SPDYE17: variants seen among roughly 807,000 people sequenced by gnomAD.
The protein encoded by SPDYE17 is speedy protein E17.
For missense variants in SPDYE17, 7 were observed against 38.0 expected (o/e 0.18, Z 2.15); for synonymous variants, 4 against 14.8 (o/e 0.27, Z 1.68).
intron 1 of SPDYE17, among the ~76,000 whole-genome samples, 98 bp downstream of exon 1, chr7:77,032,142 G>T (rs1300192595): frequency 1.1e-5 from 1 of 92,124 alleles, no homozygotes; most frequent in African/African-American, 4.5e-5. Flanking sequence ...CTTGGGAGGC[G>T]GAGGTTGCAG....
Position 77,028,036 on chromosome 7 carries a change from G to A in SPDYE17, c.408+106C>T, listed in dbSNP as rs1390702179. The stretch of plus-strand genomic sequence containing the variant: ...ACAAAAACAAAAAAAAACTGTAGGA[G>A]CATCTGGTGGGAGGTGGTGGACGGA... On this transcript the variant is annotated intron_variant, in intron 4 of 7. Coordinates refer to ENST00000671986, the MANE Select transcript of SPDYE17 (RefSeq NM_001351351.3). 10 of 813,878 alleles carry A rather than the reference G, an allele frequency of 1.2e-5. 2 individuals are homozygous for A. The highest frequency in any genetic ancestry group is 1.8e-5 in the African/African-American group (1 of 54,594). 50.4% of individuals were successfully genotyped at this position (813,878 alleles called of 1,614,324 possible).
rs1338037835 is a variant in SPDYE17, at chr7:77,031,818, C to T, written c.-454+422G>A. Among the ~76,000 whole-genome samples the T allele has an allele frequency of 9.2e-5, 4 of 43,628 alleles. 1 individual carries two copies. Among genetic ancestry groups the T allele is most frequent in the Non-Finnish European group, 1.4e-4 (4 of 28,072 alleles). 28.6% of individuals were successfully genotyped at this position (43,628 alleles called of 152,430 possible). A position where few individuals can be genotyped will look rare whatever the true frequency, so the allele number is the denominator to read the frequency against. On this transcript the variant is annotated intron_variant, in intron 1 of 7. Coordinates refer to ENST00000671986, the MANE Select transcript of SPDYE17 (RefSeq NM_001351351.3). ...GCAGTGAGCTGTGATCGTGACACCG[C>T]ACTCCAGTCTGGGCAACACAGCAAG...
chr7:77,027,894 C>G (rs544249273), intron 4 of SPDYE17, among the ~76,000 whole-genome samples: 1 of 131,214 alleles, frequency 7.6e-6, no homozygotes, highest in African/African-American at 2.7e-5. Flanking sequence ...TGCTTGGAGG[C>G]TGAGGTGGGA....
At position 77,029,913 on chromosome 7, in the gene SPDYE17, G is replaced by A. The variant is rs1279566952; in HGVS notation, c.131-462C>T. Among the ~76,000 whole-genome samples the A allele has an allele frequency of 7.2e-5, 9 of 124,282 alleles. 4 individuals carry two copies. The East Asian group carries it at 2.6e-3, about 35-fold the overall frequency. 81.5% of individuals were successfully genotyped at this position (124,282 alleles called of 152,430 possible). ...ATAGAGACAGGGTTTCACCATGTTG[G>A]CCAGGCTGGTCTCAAACTCCTGGCC... On this transcript the variant is annotated intron_variant, in intron 2 of 7. Transcript: ENST00000671986.
rs372802161 is a variant in SPDYE17 at position 77,028,328 on chromosome 7, G to A, written c.350-128C>T. 39 of 618,082 alleles carry A rather than the reference G, an allele frequency of 6.3e-5. 2 individuals are homozygous for A. The highest frequency in any genetic ancestry group is 3.5e-4 in the Admixed American group (9 of 25,458). 38.3% of individuals were successfully genotyped at this position (618,082 alleles called of 1,614,324 possible). On this transcript the variant is annotated intron_variant, in intron 3 of 7. Coordinates refer to ENST00000671986, the MANE Select transcript of SPDYE17 (RefSeq NM_001351351.3). ...ATTGTGGCTGCGGGTGAGGTGGATG[G>A]GAGAGGGGAGAATGACTTTCACTGG... is the stretch of plus-strand genomic sequence containing the variant.
At position 77,029,791 on chromosome 7, in the gene SPDYE17, C is replaced by G. The variant is rs868389236; in HGVS notation, c.131-340G>C. ...GTGCAATCTCAGCTCACTGCAACATCCATCTCCCGGATTCCATTTATTCTC... is the reference window on the plus strand; with the variant it reads ...GTGCAATCTCAGCTCACTGCAACATGCATCTCCCGGATTCCATTTATTCTC... On this transcript the variant is annotated intron_variant, in intron 2 of 7. Coordinates refer to ENST00000671986, the MANE Select transcript of SPDYE17 (RefSeq NM_001351351.3). Among the ~76,000 whole-genome samples the G allele has an allele frequency of 9.9e-4, 118 of 119,052 alleles. 1 individual carries two copies. Among genetic ancestry groups the G allele is most frequent in the Admixed American group, 1.6e-3 (14 of 9,028 alleles). The allele number at this position is 119,052 out of a possible 152,430, so 78.1% of individuals were successfully genotyped here. A position where few individuals can be genotyped will look rare whatever the true frequency, so the allele number is the denominator to read the frequency against.
intron 2 of SPDYE17, 23 bp from the exon 3 acceptor site, chr7:77,029,474 C>G (rs1014732322): frequency 2.4e-5 from 2 of 84,158 alleles, no homozygotes; most frequent in Non-Finnish European, 3.6e-5. Context: ...ACCAGGCCAC[C>G]GTGTAATGCT....
rs1280957291 is a variant in SPDYE17, at chr7:77,022,720, C to A, written c.*1113G>T. Among the ~76,000 whole-genome samples, 12 of 124,526 alleles carry A rather than the reference C, an allele frequency of 9.6e-5. 1 individual carries two copies. Among genetic ancestry groups the A allele is most frequent in the African/African-American group, 3.2e-4 (12 of 37,770 alleles). The allele number at this position is 124,526 out of a possible 152,430, so 81.7% of individuals were successfully genotyped here. On this transcript the variant is annotated 3_prime_UTR_variant, in exon 8 of 8. Transcript: ENST00000671986. ...ATGTATGTGTATACAACAGTTATAACACCCATCACACAGCTTTATAGAAAC... is the reference window on the plus strand; with the variant it reads ...ATGTATGTGTATACAACAGTTATAAAACCCATCACACAGCTTTATAGAAAC...
Position 77,023,010 on chromosome 7 carries a change from TC to T in SPDYE17, c.*822del, listed in dbSNP as rs1326712875. Among the ~76,000 whole-genome samples the T allele has an allele frequency of 8.8e-5, 9 of 102,206 alleles. 1 individual carries two copies. Among genetic ancestry groups the T allele is most frequent in the African/African-American group, 2.9e-4 (9 of 31,538 alleles). The allele number at this position is 102,206 out of a possible 152,430, so 67.1% of individuals were successfully genotyped here. On this transcript the variant is annotated 3_prime_UTR_variant, in exon 8 of 8. Transcript: ENST00000671986. Reference sequence around the variant, plus strand: ...CAAACCTAAACAGCAAATAAAAATTTCTATCACCAGAATTATGTTTTTTTCT... The same window carrying T: ...CAAACCTAAACAGCAAATAAAAATTTTATCACCAGAATTATGTTTTTTTCT...
rs1353634877 is a variant in SPDYE17 at position 77,022,903 on chromosome 7, AATAG to A, written c.*926_*929del. Among the ~76,000 whole-genome samples the A allele has an allele frequency of 2.7e-5, 3 of 113,086 alleles. 1 individual carries two copies. The highest frequency in any genetic ancestry group is 2.0e-5 in the Non-Finnish European group (1 of 50,446). The allele number at this position is 113,086 out of a possible 152,430, so 74.2% of individuals were successfully genotyped here. ...CATGTTTTTCAAAATAAACCAATAA[AATAG>A]ATAGTATACATTAGACGTGTTAGTA... On this transcript the variant is annotated 3_prime_UTR_variant, in exon 8 of 8. Coordinates refer to ENST00000671986, the MANE Select transcript of SPDYE17 (RefSeq NM_001351351.3).
At chr7:77,031,946 C>T (rs1377192305) in intron 1 of SPDYE17, among the ~76,000 whole-genome samples, 1 of 54,484 alleles carries the variant, frequency 1.8e-5, no homozygotes, top group African/African-American at 1.1e-4. Flanking sequence ...CAGTGGCTCA[C>T]GCCTGTAATC....
Position 77,028,160 on chromosome 7 carries a change from A to G in SPDYE17, c.390T>C (p.Asp130=). 3 of 1,346,534 alleles carry G rather than the reference A, an allele frequency of 2.2e-6. 1 individual carries two copies. Among genetic ancestry groups the G allele is most frequent in the Non-Finnish European group, 2.9e-6 (3 of 1,021,532 alleles). 83.4% of individuals were successfully genotyped at this position (1,346,534 alleles called of 1,614,324 possible). A position where few individuals can be genotyped will look rare whatever the true frequency, so the allele number is the denominator to read the frequency against. Residue 130 remains aspartate (D), a synonymous_variant, in exon 4 of 8, where the codon GAT becomes GAC. Transcript: ENST00000671986. ...ACCTTACCTTGTCCGACACCCTCAG[A>G]TCTTTGTCCCAGGCCAGGAGTCTTT... is the stretch of plus-strand genomic sequence containing the variant. ...VIKRLLAWDK[D]LRVSDKYLLA...
At chr7:77,028,029 T>C (rs1329133053) in intron 4 of SPDYE17, 113 bp downstream of exon 4, 3 of 756,816 alleles carry the variant, frequency 4.0e-6, no homozygotes, top group African/African-American at 1.9e-5. Context: ...AAAAAAAAAC[T>C]GTAGGAGCAT....
chr7:77,023,707 C>T lies in SPDYE17; in HGVS notation c.*126G>A, dbSNP rs1789404689. On this transcript the variant is annotated 3_prime_UTR_variant, in exon 8 of 8. Coordinates refer to ENST00000671986, the MANE Select transcript of SPDYE17 (RefSeq NM_001351351.3). The stretch of plus-strand genomic sequence containing the variant: ...TCTAGATGATCTGCACAAATGGTTC[C>T]TCTCCTCCTTCCTGATGTCTGCCAT... The T allele has an allele frequency of 1.9e-5, 8 of 425,152 alleles. 3 individuals carry two copies. Among genetic ancestry groups the T allele is most frequent in the Non-Finnish European group, 2.4e-5 (8 of 329,912 alleles). 26.3% of individuals were successfully genotyped at this position (425,152 alleles called of 1,614,324 possible). A position where few individuals can be genotyped will look rare whatever the true frequency, so the allele number is the denominator to read the frequency against.
At chr7:77,028,028 CT>C (rs1789462155) in intron 4 of SPDYE17, 113 bp downstream of exon 4, 1 of 748,408 alleles carries the variant, frequency 1.3e-6, no homozygotes, top group South Asian at 1.9e-5. Flanking sequence ...CAAAAAAAAA[CT>C]GTAGGAGCAT....
chr7:77,022,985 C>G lies in SPDYE17; in HGVS notation c.*848G>C, dbSNP rs1416034892. ...CAACTGAATTCTCACAATTCAGTCA[C>G]AAACCTAAACAGCAAATAAAAATTT... On this transcript the variant is annotated 3_prime_UTR_variant, in exon 8 of 8. Transcript: ENST00000671986. Among the ~76,000 whole-genome samples, 3 of 104,666 alleles carry G rather than the reference C, an allele frequency of 2.9e-5. 1 individual carries two copies. The highest frequency in any genetic ancestry group is 6.5e-5 in the Non-Finnish European group (3 of 46,410). The allele number at this position is 104,666 out of a possible 152,430, so 68.7% of individuals were successfully genotyped here. A position where few individuals can be genotyped will look rare whatever the true frequency, so the allele number is the denominator to read the frequency against.
At chr7:77,027,821 C>T (rs1489921671) in intron 4 of SPDYE17, among the ~76,000 whole-genome samples, 1 of 128,384 alleles carries the variant, frequency 7.8e-6, no homozygotes, top group Non-Finnish European at 1.6e-5. Context: ...CATGGCAAAA[C>T]CCCGTCTCTA....
chr7:77,025,778 A>C (rs1278849833), intron 5 of SPDYE17: 7 of 120,796 alleles, frequency 5.8e-5, no homozygotes, highest in Non-Finnish European at 1.2e-4. Flanking sequence ...AAATAAATAA[A>C]TAACTGTCCA....
intron 2 of SPDYE17, among the ~76,000 whole-genome samples, chr7:77,029,698 C>T (rs1254811665): frequency 1.2e-4 from 5 of 41,594 alleles, no homozygotes; most frequent in South Asian, 1.3e-3. Flanking sequence ...CTGAGTCCCT[C>T]TTTTTTTTTT....
Sources: allele counts gnomAD v4.1 joint callset (sites outside exome capture counted in the v4.1 genomes callset), GRCh38; gene constraint gnomAD v4.1.1; transcripts MANE v1.5; gene names NCBI Gene and HGNC (gene_info 2026-07-23, HGNC 2026-07-21).